LDB2: variants seen among roughly 807,000 people sequenced by gnomAD.
LDB2 encodes the protein LIM domain binding 2.
A neutral mutation model predicts 44.3 loss-of-function variants in LDB2; 12 were observed. The observed-to-expected ratio is 0.27, with a 90% confidence interval of 0.17 to 0.44. LDB2 has a LOEUF of 0.44. Among genes scored for constraint, LDB2 ranks in the 20% least tolerant of loss-of-function variants. LDB2 has a pLI of 1.00. For missense variants in LDB2, 344 were observed against 473.5 expected, an observed-to-expected ratio of 0.73 and a Z score of 2.54; for synonymous variants, 164 against 174.8, an observed-to-expected ratio of 0.94 and a Z score of 0.49.
intron 5 of LDB2, among the ~76,000 whole-genome samples, chr4:16,565,302 A>T (rs991422621): frequency 6.6e-6 from 1 of 152,194 alleles, no homozygotes; most frequent in African/African-American, 2.4e-5. Flanking sequence ...AAGAAATTAA[A>T]ATACTGCCTT....
chr4:16,605,549 A>G (rs1578157024), intron 2 of LDB2, among the ~76,000 whole-genome samples: 2 of 152,200 alleles, frequency 1.3e-5, no homozygotes, highest in Non-Finnish European at 2.9e-5. Context: ...TCTTTTCTCC[A>G]GGTGTTGAGT....
intron 5 of LDB2, among the ~76,000 whole-genome samples, chr4:16,556,454 A>C (rs533503167): frequency 4.2e-4 from 64 of 152,338 alleles, no homozygotes; most frequent in Non-Finnish European, 7.9e-4. Flanking sequence ...ACTCAGTAGG[A>C]GACTGCTTTG....
At chr4:16,819,105 T>C (rs998692893) in intron 1 of LDB2, among the ~76,000 whole-genome samples, 50 of 148,592 alleles carry the variant, frequency 3.4e-4, no homozygotes, top group Non-Finnish European at 5.0e-4. Context: ...TGTGTGTGTG[T>C]GTGTGTGTGT....
chr4:16,719,651 T>G (rs1263140012), intron 2 of LDB2, among the ~76,000 whole-genome samples: 1 of 152,132 alleles, frequency 6.6e-6, no homozygotes, highest in African/African-American at 2.4e-5. Flanking sequence ...TGTTGGAAAT[T>G]TAACCAATCC....
In LDB2 at chr4:16,771,883, A is replaced by G. The variant is rs1770782747; in HGVS notation, c.133-12623T>C. ...AAGAAGCCTGGAGGATCTTTTAACA[A>G]TACCCATTAGATTGTGACCCTCCCA... On this transcript the variant is annotated intron_variant, in intron 1 of 7. Transcript: ENST00000304523. Among the ~76,000 whole-genome samples the G allele has an allele frequency of 2.0e-5, 3 of 152,186 alleles. No individual in the cohort carries two copies. The South Asian group carries it at 6.2e-4, about 32-fold the overall frequency.
intron 2 of LDB2, among the ~76,000 whole-genome samples, chr4:16,747,173 G>C (rs1306612255): frequency 6.6e-6 from 1 of 152,154 alleles, no homozygotes; most frequent in African/African-American, 2.4e-5. Context: ...ATAAGGCATG[G>C]CGCTGGTCTG....
At chr4:16,889,051 T>C (rs1281739366) in intron 1 of LDB2, among the ~76,000 whole-genome samples, 3 of 151,086 alleles carry the variant, frequency 2.0e-5, no homozygotes, top group African/African-American at 7.4e-5. Flanking sequence ...CACAATCTGA[T>C]TAGGACAAAT....
At chr4:16,544,265 C>T (rs559412849) in intron 5 of LDB2, among the ~76,000 whole-genome samples, 27 of 152,144 alleles carry the variant, frequency 1.8e-4, no homozygotes, top group African/African-American at 5.8e-4. Flanking sequence ...GAAAAGCAGC[C>T]GAGGATGTGG....
At chr4:16,578,272 A>G (rs899672552) in intron 5 of LDB2, among the ~76,000 whole-genome samples, 10 of 152,202 alleles carry the variant, frequency 6.6e-5, no homozygotes, top group Admixed American at 3.9e-4. Flanking sequence ...GAGACAATCC[A>G]CAGAGTGGGA....
intron 3 of LDB2, among the ~76,000 whole-genome samples, chr4:16,594,236 A>T (rs894821755): frequency 6.6e-6 from 1 of 151,968 alleles, no homozygotes; most frequent in Non-Finnish European, 1.5e-5. Context: ...AGACTTTGTA[A>T]CACTAGAAAT....
chr4:16,554,535 C>CA (rs764965621), intron 5 of LDB2, among the ~76,000 whole-genome samples: 18 of 152,126 alleles, frequency 1.2e-4, no homozygotes, highest in Non-Finnish European at 1.9e-4. Flanking sequence ...ATGTTGGAAT[C>CA]ACCTGGGAAG....
chr4:16,780,627 C>T (rs1221760131), intron 1 of LDB2, among the ~76,000 whole-genome samples: 1 of 152,076 alleles, frequency 6.6e-6, no homozygotes, highest in Non-Finnish European at 1.5e-5. Flanking sequence ...ATTTGTGTAT[C>T]AGTGGAAATG....
chr4:16,898,504 A>T lies in LDB2; in HGVS notation c.-19T>A. 1 of 1,612,490 alleles carries T rather than the reference A, an allele frequency of 6.2e-7. No individual in the cohort carries two copies. Among genetic ancestry groups the T allele is most frequent in the South Asian group, 1.1e-5 (1 of 90,976 alleles). On this transcript the variant is annotated 5_prime_UTR_variant, in exon 1 of 8. Transcript: ENST00000304523. ...TGGACATCTTGCCTGCTTTTCGAAAATCAAGCTAAACAGAGTATCAGTAAC... is the reference window on the plus strand; with the variant it reads ...TGGACATCTTGCCTGCTTTTCGAAATTCAAGCTAAACAGAGTATCAGTAAC...
intron 2 of LDB2, among the ~76,000 whole-genome samples, chr4:16,613,674 A>G (rs770596475): frequency 2.4e-4 from 37 of 152,128 alleles, no homozygotes; most frequent in Non-Finnish European, 1.9e-4. Context: ...CATAATCACT[A>G]CAAAGAGAAA....
intron 1 of LDB2, among the ~76,000 whole-genome samples, chr4:16,865,404 G>C (rs1163376935): frequency 6.6e-6 from 1 of 152,108 alleles, no homozygotes; most frequent in Non-Finnish European, 1.5e-5. Context: ...AATAAGCATG[G>C]GAACGTTCCC....
intron 2 of LDB2, among the ~76,000 whole-genome samples, chr4:16,639,248 T>C (rs1440815056): frequency 1.3e-5 from 2 of 152,326 alleles, no homozygotes; most frequent in African/African-American, 2.4e-5. Flanking sequence ...TCTGTTGCCA[T>C]GTAAAATAAT....
chr4:16,635,020 TC>T (rs1371196186), intron 2 of LDB2, among the ~76,000 whole-genome samples: 1 of 151,976 alleles, frequency 6.6e-6, no homozygotes, highest in Non-Finnish European at 1.5e-5. Context: ...AAACCATCAT[TC>T]TCAGCAAACT....
At chr4:16,578,655 A>G (rs949486044) in intron 5 of LDB2, among the ~76,000 whole-genome samples, 2 of 152,166 alleles carry the variant, frequency 1.3e-5, no homozygotes, top group South Asian at 2.1e-4. Context: ...AGGTTCTTCA[A>G]AAAACTAAAT....
intron 5 of LDB2, among the ~76,000 whole-genome samples, chr4:16,526,881 G>A (rs1728444347): frequency 1.3e-5 from 2 of 152,194 alleles, no homozygotes; most frequent in Admixed American, 6.5e-5. Context: ...CAGCCACTAA[G>A]TTTGTAGTAA....
Sources: gnomAD v4.1 joint callset for allele counts (sites outside exome capture counted in the v4.1 genomes callset) on GRCh38, gnomAD v4.1.1 for gene constraint, MANE v1.5 for transcripts, NCBI Gene and HGNC (gene_info 2026-07-23, HGNC 2026-07-21) for gene names.